FGFRL1: variants seen among roughly 807,000 people sequenced by gnomAD.
FGFRL1 encodes fibroblast growth factor receptor-like 1.
FGFRL1 carries 24 observed loss-of-function variants against 36.8 expected under a neutral mutation model. The observed-to-expected ratio is 0.65, with a 90% CI of 0.47 to 0.92. The LOEUF is 0.92. Ranked by LOEUF, FGFRL1 falls within the 40% of genes least tolerant of loss-of-function variation. The pLI, the probability that FGFRL1 is intolerant of heterozygous loss-of-function variation, is 0.00. For synonymous variants in FGFRL1, 422 were observed against 344.1 expected (o/e 1.23, Z -2.50); for missense variants, 785 against 753.4 (o/e 1.04, Z -0.49).
intron 2 of FGFRL1, among the ~76,000 whole-genome samples, chr4:1,021,117 GGGTGGGGACCCAGGCAGGGGAAGGGGTGA>G (rs1378230111): frequency 8.0e-6 from 1 of 124,618 alleles, no homozygotes; most frequent in Non-Finnish European, 1.7e-5. Context: ...GCAGGGAATG[GGGTGGGGACCCAGGCAGGGGAAGGGGTGA>G]GGTGGGGACC....
In FGFRL1 at chr4:1,024,368, A is replaced by G; in HGVS notation, c.776A>G (p.Asp259Gly). 6.2e-7 allele frequency: 1 copy of G among 1,612,326 alleles called. No individual in the cohort carries two copies. The stretch of plus-strand genomic sequence containing the variant: ...ACGCACCCCGTGAACACGACGGTGG[A>G]CTTCGGGGGGACCACGTCCTTCCAG... ...TGTHPVNTTVDFGGTTSFQCK... is the reference protein window; with the variant it reads ...TGTHPVNTTVGFGGTTSFQCK... The change falls in exon 6 of 7, where the codon GAC becomes GGC. Residue 259 changes from aspartate (D) to glycine (G), a missense_variant. Physicochemically the swap from Asp to Gly is moderately conservative, Grantham distance 94 (BLOSUM62 -1). Coordinates refer to ENST00000510644, the MANE Select transcript of FGFRL1 (RefSeq NM_001004356.3).
rs200153294 is a variant in FGFRL1, at chr4:1,024,574, G to A, written c.982G>A (p.Ala328Thr). 6.2e-7 allele frequency: 1 copy of A among 1,612,418 alleles called. No individual in the cohort carries two copies. Among genetic ancestry groups the A allele is most frequent in the Non-Finnish European group, 8.5e-7 (1 of 1,179,850 alleles). The stretch of plus-strand genomic sequence containing the variant: ...CCTCAATAAGCTGCTCATCACCCGT[G>A]CCCGCCAGGACGATGCGGGCATGTA... ...SYLNKLLITR[A>T]RQDDAGMYIC... is the part of the protein sequence containing the mutation. Residue 328 changes from alanine (A) to threonine (T), a missense_variant, in exon 6 of 7, where the codon GCC becomes ACC. Coordinates refer to ENST00000510644, the MANE Select transcript of FGFRL1 (RefSeq NM_001004356.3).
chr4:1,014,406 C>T (rs1022661864), intron 2 of FGFRL1, among the ~76,000 whole-genome samples: 1 of 152,202 alleles, frequency 6.6e-6, no homozygotes, highest in Non-Finnish European at 1.5e-5. Flanking sequence ...CGTTTCAGGG[C>T]TTTCTGAGAA....
At position 1,025,301 on chromosome 4, in the gene FGFRL1, C is replaced by A; in HGVS notation, c.1469C>A (p.Ser490Ter). Reference protein sequence around the residue: ...THTHTHSHTHSHVEGKVHQHI... With the variant: ...THTHTHSHTH ...ACACACACACACTCTCACACACACT[C>A]ACACGTGGAGGGCAAGGTCCACCAG... The change falls in exon 7 of 7, where the codon TCA becomes TAA. Residue 490 changes from serine to a stop codon, truncating the protein, a stop_gained. Coordinates refer to ENST00000510644, the MANE Select transcript of FGFRL1 (RefSeq NM_001004356.3). LOFTEE classifies it high-confidence loss of function. 2 of 1,571,312 alleles carry A rather than the reference C, an allele frequency of 1.3e-6. No homozygotes were observed. The highest frequency in any genetic ancestry group is 1.9e-5 in the Admixed American group (1 of 53,744).
chr4:1,023,945 G>T lies in FGFRL1; in HGVS notation c.562G>T (p.Asp188Tyr). The T allele has an allele frequency of 1.3e-6, 2 of 1,590,444 alleles. No individual in the cohort carries two copies. The highest frequency in any genetic ancestry group is 2.3e-5 in the East Asian group (1 of 43,382). ...PRPDITWMKD[D>Y]QALTRPEAAE... is the part of the protein sequence containing the mutation. ...GCCCGACATCACGTGGATGAAGGAC[G>T]ACCAGGCCTTGACGCGCCCAGAGGC... is the stretch of plus-strand genomic sequence containing the variant. The change falls in exon 5 of 7, where the codon GAC becomes TAC. Residue 188 changes from aspartate (D) to tyrosine (Y), a missense_variant. Physicochemically the swap from Asp to Tyr is radical, Grantham distance 160 (BLOSUM62 -3). Transcript: ENST00000510644. This position sits in a 1 kb window ranked among gnomAD's most constrained non-coding sequence, Gnocchi z 6.0.
At chr4:1,016,039 C>T (rs529492197) in intron 2 of FGFRL1, among the ~76,000 whole-genome samples, 6 of 152,188 alleles carry the variant, frequency 3.9e-5, no homozygotes, top group African/African-American at 1.4e-4. Context: ...CCGGTGCCCT[C>T]CTGTCCCCAG....
At chr4:1,012,255 A>AG (rs1243631108) in intron 1 of FGFRL1, 10 of 500,542 alleles carry the variant, frequency 2.0e-5, no homozygotes, top group Non-Finnish European at 3.1e-5. Context: ...GTGTTTGGAG[A>AG]GGGGGGGCGG....
intron 2 of FGFRL1, among the ~76,000 whole-genome samples, chr4:1,019,790 G>A (rs963663908): frequency 1.6e-4 from 25 of 152,214 alleles, no homozygotes; most frequent in Admixed American, 2.6e-4. Flanking sequence ...CTGAGTTGAG[G>A]GAGAGACGTG....
In FGFRL1 at chr4:1,025,464, C is replaced by T. The variant is rs561328425; in HGVS notation, c.*117C>T. On this transcript the variant is annotated 3_prime_UTR_variant, in exon 7 of 7. Coordinates refer to ENST00000510644, the MANE Select transcript of FGFRL1 (RefSeq NM_001004356.3). ...CCATGGCGAGGAGGAATGGCCAGCA[C>T]CCCAGGCAGTCTGTGTGTGAGGCAT... 3 of 1,271,346 alleles carry T rather than the reference C, an allele frequency of 2.4e-6. No individual in the cohort carries two copies. Among genetic ancestry groups the T allele is most frequent in the East Asian group, 2.5e-5 (1 of 39,242 alleles). The allele number at this position is 1,271,346 out of a possible 1,614,324, so 78.8% of individuals were successfully genotyped here. A position where few individuals can be genotyped will look rare whatever the true frequency, so the allele number is the denominator to read the frequency against.
chr4:1,017,116 G>A (rs1247199883), intron 2 of FGFRL1, among the ~76,000 whole-genome samples: 1 of 152,116 alleles, frequency 6.6e-6, no homozygotes, highest in African/African-American at 2.4e-5. Flanking sequence ...GTCAAGGTGA[G>A]CCCCCTTCCC....
chr4:1,013,445 C>T (rs543948080), intron 2 of FGFRL1, among the ~76,000 whole-genome samples: 16 of 152,372 alleles, frequency 1.1e-4, no homozygotes, highest in African/African-American at 2.6e-4. Context: ...GCCCAGCAAG[C>T]GCGCCGCATC....
At position 1,025,210 on chromosome 4, in the gene FGFRL1, C is replaced by T. The variant is rs769491696; in HGVS notation, c.1378C>T (p.Leu460=). The change falls in exon 7 of 7, where the codon CTG becomes TTG. Residue 460 remains leucine, a synonymous_variant. Coordinates refer to ENST00000510644, the MANE Select transcript of FGFRL1 (RefSeq NM_001004356.3). ...GTCTCCGGCAGCCCCCCAGCACTTACTGGGCCCAGGCCCAGTTGCTGGCCC... is the reference window on the plus strand; with the variant it reads ...GTCTCCGGCAGCCCCCCAGCACTTATTGGGCCCAGGCCCAGTTGCTGGCCC... ...HGSPAAPQHL[L]GPGPVAGPKL... The T allele has an allele frequency of 4.1e-5, 66 of 1,610,458 alleles. No homozygotes were observed. The highest frequency in any genetic ancestry group is 1.2e-4 in the Admixed American group (7 of 59,698).
In FGFRL1 at chr4:1,024,945, G is replaced by T; in HGVS notation, c.1113G>T (p.Ser371=). Reference sequence around the variant, plus strand: ...GGCCACCTGTGGCCTCCTCGTCCTCGGCCACTAGCCTGCCGTGGCCCGTGG... The same window carrying T: ...GGCCACCTGTGGCCTCCTCGTCCTCTGCCACTAGCCTGCCGTGGCCCGTGG... ...PPGPPVASSS[S]ATSLPWPVVI... The change falls in exon 7 of 7, where the codon TCG becomes TCT. Residue 371 remains serine (S), a synonymous_variant. Transcript: ENST00000510644. 1.2e-6 allele frequency: 2 copies of T among 1,604,532 alleles called. No homozygotes were observed. Among genetic ancestry groups the T allele is most frequent in the Non-Finnish European group, 1.7e-6 (2 of 1,177,702 alleles).
At position 1,023,855 on chromosome 4, in the gene FGFRL1, C is replaced by A; in HGVS notation, c.472C>A (p.Arg158=). The A allele has an allele frequency of 6.3e-7, 1 of 1,579,318 alleles. No individual in the cohort carries two copies. Among genetic ancestry groups the A allele is most frequent in the East Asian group, 2.3e-5 (1 of 43,004 alleles). Residue 158 remains arginine, a synonymous_variant, in exon 5 of 7, where the codon CGG becomes AGG. Coordinates refer to ENST00000510644, the MANE Select transcript of FGFRL1 (RefSeq NM_001004356.3). The surrounding 1 kb of genome is among the most constrained non-coding windows in gnomAD (Gnocchi z 6.0). ...CACACAGCCCTCCAAGATGAGGCGC[C>A]GGGTGATCGCACGGCCCGTGGGTAG... ...RFTQPSKMRR[R]VIARPVGSSV...
chr4:1,015,833 A>C lies in FGFRL1; in HGVS notation c.79+3269A>C, dbSNP rs1288463785. ...GAGCTTGGGTTCCTTGTCCAGGCCCACCAGCCAGTGGCTTCAAGGCCCTCT... is the reference window on the plus strand; with the variant it reads ...GAGCTTGGGTTCCTTGTCCAGGCCCCCCAGCCAGTGGCTTCAAGGCCCTCT... On this transcript the variant is annotated intron_variant, in intron 2 of 6. Coordinates refer to ENST00000510644, the MANE Select transcript of FGFRL1 (RefSeq NM_001004356.3). Among the ~76,000 whole-genome samples, 5 of 152,298 alleles carry C rather than the reference A, an allele frequency of 3.3e-5. No individual in the cohort carries two copies. In the East Asian group the frequency reaches 9.7e-4, roughly 30 times the overall value.
In FGFRL1 at chr4:1,025,198, C is replaced by T. The variant is rs549237929; in HGVS notation, c.1366C>T (p.Pro456Ser). 385 of 1,610,680 alleles carry T rather than the reference C, an allele frequency of 2.4e-4. 2 individuals carry two copies. The South Asian group carries it at 4.1e-3, about 17-fold the overall frequency. The change falls in exon 7 of 7, where the codon CCC becomes TCC. Residue 456 changes from proline (P) to serine (S), a missense_variant. By Grantham distance (74) the Pro-to-Ser change is moderately conservative. Coordinates refer to ENST00000510644, the MANE Select transcript of FGFRL1 (RefSeq NM_001004356.3). ...TGAGGAGCATGGGTCTCCGGCAGCC[C>T]CCCAGCACTTACTGGGCCCAGGCCC... Reference protein sequence around the residue: ...LCEEHGSPAAPQHLLGPGPVA... With the variant: ...LCEEHGSPAASQHLLGPGPVA...
At chr4:1,014,199 T>C (rs1476248152) in intron 2 of FGFRL1, among the ~76,000 whole-genome samples, 2 of 152,178 alleles carry the variant, frequency 1.3e-5, no homozygotes, top group Non-Finnish European at 2.9e-5. Flanking sequence ...GGCACATCGC[T>C]ACACTCAGAT....
At chr4:1,010,575 G>A (rs1432032725), upstream of FGFRL1, among the ~76,000 whole-genome samples, 2 of 152,246 alleles carry the variant, frequency 1.3e-5, no homozygotes, top group Non-Finnish European at 2.9e-5. Flanking sequence ...GCCCCAGAAA[G>A]AGAGGCTGCT....
At chr4:1,013,375 C>G (rs377111526) in intron 2 of FGFRL1, among the ~76,000 whole-genome samples, 11 of 152,260 alleles carry the variant, frequency 7.2e-5, no homozygotes, top group African/African-American at 2.7e-4. Context: ...GGCGTGTTGA[C>G]CACTCAGGAT....
Sources: gnomAD v4.1 joint callset for allele counts (sites outside exome capture counted in the v4.1 genomes callset) on GRCh38, gnomAD v4.1.1 for gene constraint, Gnocchi (gnomAD v3.1) non-coding constraint, MANE v1.5 for transcripts, NCBI Gene and HGNC (gene_info 2026-07-23, HGNC 2026-07-21) for gene names.